Variants in EHMT1 observed in about 807,000 individuals in gnomAD.
The protein encoded by EHMT1 is euchromatic histone lysine methyltransferase 1.
In EHMT1, 15 loss-of-function variants were observed where a neutral mutation model predicts 147.2. The observed-to-expected ratio is 0.10, with a 90% CI of 0.07 to 0.16. EHMT1 has a LOEUF of 0.16. EHMT1 is among the 10% of genes least tolerant of loss of function. The probability of loss-of-function intolerance (pLI) is 1.00; values close to 1 mark genes in which losing one functional copy is unlikely to be tolerated. For missense variants in EHMT1, 1,587 were observed against 1,772.4 expected (o/e 0.90, Z 1.88); for synonymous variants, 795 against 709.6 (o/e 1.12, Z -1.91).
At chr9:137,716,531 T>TGTGGTGTCATGGTGGGGGAGGAAGTG in intron 2 of EHMT1, 95 bp from the exon 3 acceptor site, 3 of 929,330 alleles carry the variant, frequency 3.2e-6, no homozygotes, top group Non-Finnish European at 4.5e-6. Flanking sequence ...GGGAGGAAGT[T>TGTGGTGTCATGGTGGGGGAGGAAGTG]GTGGTGGTGT....
intron 25 of EHMT1, among the ~76,000 whole-genome samples, chr9:137,833,557 C>T (rs536030633): frequency 6.6e-6 from 1 of 152,364 alleles, no homozygotes; most frequent in South Asian, 2.1e-4. Flanking sequence ...AGCCCTGGGT[C>T]TCCAGAGAGA....
At chr9:137,817,657 C>T in intron 24 of EHMT1, 132 bp downstream of exon 24, 1 of 1,183,060 alleles carries the variant, frequency 8.5e-7, no homozygotes. Context: ...GTGGGGGCCA[C>T]AGAGACCCTG....
intron 1 of EHMT1, among the ~76,000 whole-genome samples, chr9:137,635,212 A>AT (rs1843918045): frequency 6.7e-6 from 1 of 150,354 alleles, no homozygotes; most frequent in Non-Finnish European, 1.5e-5. Flanking sequence ...ATTTTATTTT[A>AT]TTTATTTATT....
At chr9:137,719,477 G>A (rs984686986) in intron 3 of EHMT1, among the ~76,000 whole-genome samples, 2 of 152,164 alleles carry the variant, frequency 1.3e-5, no homozygotes, top group Admixed American at 6.5e-5. Context: ...CTCGTGGTGC[G>A]GACAACTGCC....
intron 1 of EHMT1, among the ~76,000 whole-genome samples, chr9:137,662,244 C>T (rs989499031): frequency 5.9e-5 from 9 of 152,192 alleles, no homozygotes; most frequent in Admixed American, 2.0e-4. Context: ...GTCACCCAGG[C>T]TGGAGTACAG....
At chr9:137,727,203 A>G (rs1342906340) in intron 3 of EHMT1, among the ~76,000 whole-genome samples, 1 of 152,052 alleles carries the variant, frequency 6.6e-6, no homozygotes, top group African/African-American at 2.4e-5. Flanking sequence ...ACTCATCTTG[A>G]ACTCCTGGCC....
intron 25 of EHMT1, among the ~76,000 whole-genome samples, chr9:137,833,422 C>A (rs774012391): frequency 5.3e-5 from 8 of 152,252 alleles, no homozygotes; most frequent in Non-Finnish European, 1.0e-4. Context: ...GCTGCACAGG[C>A]AGGGTGCTGC....
At position 137,777,523 on chromosome 9, in the gene EHMT1, A is replaced by T; in HGVS notation, c.2019-359A>T. ...CTTCCTTGAAGATTATTTAAAAGAGACTCAAATTGTGGACATGTTAAGGTG... is the reference window on the plus strand; with the variant it reads ...CTTCCTTGAAGATTATTTAAAAGAGTCTCAAATTGTGGACATGTTAAGGTG... On this transcript the variant is annotated intron_variant, in intron 12 of 26. Coordinates refer to ENST00000460843, the MANE Select transcript of EHMT1 (RefSeq NM_024757.5). 7 of 323,500 alleles carry T rather than the reference A, an allele frequency of 2.2e-5. No individual in the cohort carries two copies. In the South Asian group the frequency reaches 2.8e-4, roughly 13 times the overall value. The allele number at this position is 323,500 out of a possible 1,614,324, so 20.0% of individuals were successfully genotyped here. A position where few individuals can be genotyped will look rare whatever the true frequency, so the allele number is the denominator to read the frequency against.
intron 15 of EHMT1, among the ~76,000 whole-genome samples, chr9:137,789,972 C>T (rs1215505121): frequency 6.6e-6 from 1 of 152,210 alleles, no homozygotes; most frequent in Non-Finnish European, 1.5e-5. Flanking sequence ...TCAGGTGATC[C>T]ACCTGCCTTG....
At chr9:137,780,145 A>G (rs1426066239) in intron 14 of EHMT1, among the ~76,000 whole-genome samples, 2 of 143,646 alleles carry the variant, frequency 1.4e-5, no homozygotes, top group Non-Finnish European at 3.0e-5. Context: ...ATGTGTGGTG[A>G]TGACGCTGAG....
chr9:137,724,182 G>A (rs1946363527), intron 3 of EHMT1, among the ~76,000 whole-genome samples: 1 of 152,204 alleles, frequency 6.6e-6, no homozygotes. Flanking sequence ...GGTGCCTGTT[G>A]GTCTGCACTG....
At chr9:137,644,058 C>T (rs1171961825) in intron 1 of EHMT1, among the ~76,000 whole-genome samples, 4 of 152,180 alleles carry the variant, frequency 2.6e-5, no homozygotes, top group South Asian at 2.1e-4. Flanking sequence ...CTTGTTTTGA[C>T]GATGGGTGTG....
intron 3 of EHMT1, among the ~76,000 whole-genome samples, chr9:137,726,583 G>A (rs1946653667): frequency 6.6e-6 from 1 of 152,058 alleles, no homozygotes; most frequent in South Asian, 2.1e-4. Context: ...TATCAACGTG[G>A]GTGTACAAGC....
Position 137,776,810 on chromosome 9 carries a change from G to T in EHMT1, c.1984G>T (p.Ala662Ser). ...TPVPGQEKGSALEGRADTTTG... is the reference protein window; with the variant it reads ...TPVPGQEKGSSLEGRADTTTG... Reference sequence around the variant, plus strand: ...AGTCCCCGGGCAGGAGAAGGGCTCGGCCCTGGAGGGCAGGGCCGACACCAC... The same window carrying T: ...AGTCCCCGGGCAGGAGAAGGGCTCGTCCCTGGAGGGCAGGGCCGACACCAC... The change falls in exon 12 of 27, where the codon GCC becomes TCC. Residue 662 changes from alanine (A) to serine (S), a missense_variant. This residue lies in a region of EHMT1 where 77 missense variants were observed against 79.3 expected (regional missense o/e 0.97). Coordinates refer to ENST00000460843, the MANE Select transcript of EHMT1 (RefSeq NM_024757.5). The surrounding 1 kb of genome is among the most constrained non-coding windows in gnomAD (Gnocchi z 4.4). 3 of 1,613,976 alleles carry T rather than the reference G, an allele frequency of 1.9e-6. No individual in the cohort carries two copies. The highest frequency in any genetic ancestry group is 2.5e-6 in the Non-Finnish European group (3 of 1,180,002).
At chr9:137,710,885 T>C (rs1944644505) in intron 1 of EHMT1, 82 bp from the exon 2 acceptor site, 3 of 1,490,232 alleles carry the variant, frequency 2.0e-6, no homozygotes, top group East Asian at 2.5e-5. Flanking sequence ...ACTACGATTT[T>C]TTGACTTTTT....
At chr9:137,652,727 C>CTTTTT (rs60537357) in intron 1 of EHMT1, among the ~76,000 whole-genome samples, 3 of 134,520 alleles carry the variant, frequency 2.2e-5, no homozygotes, top group Non-Finnish European at 4.8e-5. Flanking sequence ...AGAAGTTAAA[C>CTTTTT]TTTTTTTTTT....
chr9:137,812,883 G>A, intron 19 of EHMT1, 123 bp from the exon 20 acceptor site: 2 of 1,371,648 alleles, frequency 1.5e-6, no homozygotes, highest in Admixed American at 3.6e-5. Context: ...ACTTGTTCAA[G>A]TTATCTCACA....
At position 137,716,710 on chromosome 9, in the gene EHMT1, C is replaced by G. The variant is rs1245871526; in HGVS notation, c.170C>G (p.Ser57Cys). 1 of 1,611,482 alleles carries G rather than the reference C, an allele frequency of 6.2e-7. No individual in the cohort carries two copies. Among genetic ancestry groups the G allele is most frequent in the Non-Finnish European group, 8.5e-7 (1 of 1,178,632 alleles). ...HMAADGETNG[S>C]CENSDASSHA... is the part of the protein sequence containing the mutation. ...GCTGCGGACGGTGAGACCAATGGGT[C>G]TTGTGAAAACAGCGATGCCAGCAGT... Residue 57 changes from serine to cysteine, a missense_variant, in exon 3 of 27, where the codon TCT (serine) becomes TGT (cysteine). This residue lies in a region of EHMT1 where 810 missense variants were observed against 673.0 expected (regional missense o/e 1.20). Coordinates refer to ENST00000460843, the MANE Select transcript of EHMT1 (RefSeq NM_024757.5).
intron 1 of EHMT1, among the ~76,000 whole-genome samples, chr9:137,705,179 A>G (rs1378777036): frequency 6.6e-6 from 1 of 151,916 alleles, no homozygotes; most frequent in Non-Finnish European, 1.5e-5. Context: ...GTTTGTAGAG[A>G]TGGGGGTCTC....
Sources: gnomAD v4.1 joint callset for allele counts (sites outside exome capture counted in the v4.1 genomes callset) on GRCh38, gnomAD v4.1.1 for gene constraint, gnomAD v4.1.1 regional missense constraint, Gnocchi (gnomAD v3.1) non-coding constraint, MANE v1.5 for transcripts, NCBI Gene and HGNC (gene_info 2026-07-23, HGNC 2026-07-21) for gene names.